The following HTR1F variants were observed in gnomAD, a reference collection of about 807,000 sequenced individuals.
HTR1F encodes 5-hydroxytryptamine receptor 1F.
HTR1F carries 17 observed loss-of-function variants against 24.0 expected under a neutral mutation model. The observed-to-expected ratio is 0.71, with a 90% CI of 0.48 to 1.06. HTR1F has a LOEUF of 1.06. Among genes scored for constraint, HTR1F ranks in the 50% least tolerant of loss-of-function variants. HTR1F has a pLI of 0.00. For missense variants in HTR1F, 391 were observed against 427.8 expected, an observed-to-expected ratio of 0.91 and a Z score of 0.76; for synonymous variants, 186 against 156.8, an observed-to-expected ratio of 1.19 and a Z score of -1.39.
intron 2 of HTR1F, among the ~76,000 whole-genome samples, chr3:87,907,319 T>C (rs971838144): frequency 8.6e-5 from 13 of 152,012 alleles, no homozygotes; most frequent in African/African-American, 2.9e-4. Flanking sequence ...TGGCCATTTG[T>C]ATATCTTCTT....
intron 2 of HTR1F, among the ~76,000 whole-genome samples, chr3:87,926,263 C>A (rs1054366509): frequency 3.9e-5 from 6 of 152,150 alleles, no homozygotes; most frequent in Non-Finnish European, 7.3e-5. Context: ...TGTTGACTCT[C>A]AAGTTTAATA....
chr3:87,802,648 T>C (rs546795107), intron 1 of HTR1F, among the ~76,000 whole-genome samples: 9 of 152,222 alleles, frequency 5.9e-5, no homozygotes, highest in African/African-American at 1.9e-4. Flanking sequence ...CGCTCCTGGC[T>C]TGATTTTGTT....
At chr3:87,979,343 A>G (rs943283614) in intron 2 of HTR1F, among the ~76,000 whole-genome samples, 3 of 152,040 alleles carry the variant, frequency 2.0e-5, no homozygotes, top group African/African-American at 7.2e-5. Context: ...CACATTCCCA[A>G]CACCAGAGGG....
At chr3:87,921,557 C>A (rs1704012348) in intron 2 of HTR1F, among the ~76,000 whole-genome samples, 1 of 151,892 alleles carries the variant, frequency 6.6e-6, no homozygotes, top group African/African-American at 2.4e-5. Flanking sequence ...TAACCTCAAA[C>A]CATTATCATT....
chr3:87,935,782 G>GA (rs1444960357), intron 2 of HTR1F, among the ~76,000 whole-genome samples: 2 of 151,942 alleles, frequency 1.3e-5, no homozygotes, highest in Non-Finnish European at 2.9e-5. Flanking sequence ...GGCTGCAAGT[G>GA]AAATGCTTTG....
intron 2 of HTR1F, among the ~76,000 whole-genome samples, chr3:87,882,077 G>A (rs1705816723): frequency 2.0e-5 from 3 of 152,302 alleles, no homozygotes; most frequent in African/African-American, 4.8e-5. Flanking sequence ...CTCAAAAGAG[G>A]ACATTTATGC....
At chr3:87,862,570 T>C (rs1383186332) in intron 2 of HTR1F, among the ~76,000 whole-genome samples, 3 of 152,186 alleles carry the variant, frequency 2.0e-5, no homozygotes. Context: ...TCAAGACCAA[T>C]GCATGGATCT....
rs1269075950 is a variant in HTR1F, at chr3:87,867,906, A to C, written c.-43+45782A>C. 2.0e-5 allele frequency among the ~76,000 whole-genome samples: 3 copies of C among 152,214 alleles called. No individual in the cohort carries two copies. In the East Asian group the frequency reaches 5.8e-4, roughly 29 times the overall value. ...CTTGTTGTCTAAATCATTAATTATA[A>C]GTTTATATTTAAATGGTGATTCTGC... On this transcript the variant is annotated intron_variant, in intron 2 of 2. Transcript: ENST00000319595.
At chr3:87,866,327 T>A (rs1208814424) in intron 2 of HTR1F, among the ~76,000 whole-genome samples, 3 of 152,164 alleles carry the variant, frequency 2.0e-5, no homozygotes, top group Non-Finnish European at 4.4e-5. Context: ...GAGCTGCTAG[T>A]CAGAGCATGA....
chr3:87,990,557 G>A (rs1705797801), intron 2 of HTR1F, 151 bp from the exon 3 acceptor site: 5 of 489,824 alleles, frequency 1.0e-5, no homozygotes, highest in Non-Finnish European at 1.8e-5. Flanking sequence ...AAATAAAAAG[G>A]AAAACTAAAA....
At chr3:87,942,984 A>C (rs1704606791) in intron 2 of HTR1F, among the ~76,000 whole-genome samples, 1 of 152,210 alleles carries the variant, frequency 6.6e-6, no homozygotes, top group Non-Finnish European at 1.5e-5. Context: ...TCTCTCCAGA[A>C]AGGCAGTAGG....
intron 2 of HTR1F, among the ~76,000 whole-genome samples, chr3:87,930,846 T>C (rs1418139905): frequency 7.9e-5 from 12 of 152,098 alleles, no homozygotes; most frequent in Non-Finnish European, 1.3e-4. Flanking sequence ...TACATATACA[T>C]TTATTTACAT....
intron 2 of HTR1F, among the ~76,000 whole-genome samples, chr3:87,901,806 T>G (rs1190886607): frequency 6.6e-6 from 1 of 152,110 alleles, no homozygotes; most frequent in Non-Finnish European, 1.5e-5. Context: ...CAGTCAGGAA[T>G]GGCTTTTCTA....
At chr3:87,869,015 G>T (rs1246032014) in intron 2 of HTR1F, among the ~76,000 whole-genome samples, 1 of 151,872 alleles carries the variant, frequency 6.6e-6, no homozygotes, top group Non-Finnish European at 1.5e-5. Context: ...TTTTTCAAAT[G>T]TTGCTATTAT....
intron 2 of HTR1F, among the ~76,000 whole-genome samples, chr3:87,962,062 T>A (rs1576093686): frequency 6.6e-6 from 1 of 152,074 alleles, no homozygotes; most frequent in East Asian, 1.9e-4. Context: ...CTACATTGCA[T>A]CAAAAATGAC....
At chr3:87,896,788 T>C (rs567548610) in intron 2 of HTR1F, among the ~76,000 whole-genome samples, 1 of 152,224 alleles carries the variant, frequency 6.6e-6, no homozygotes, top group East Asian at 1.9e-4. Context: ...TCTCCAAAGA[T>C]GGGAAAATGG....
At chr3:87,930,080 C>G (rs1704224870) in intron 2 of HTR1F, among the ~76,000 whole-genome samples, 1 of 152,088 alleles carries the variant, frequency 6.6e-6, no homozygotes, top group Non-Finnish European at 1.5e-5. Flanking sequence ...ATTTGGCTCT[C>G]AGCTTGGCTG....
intron 2 of HTR1F, among the ~76,000 whole-genome samples, chr3:87,874,138 C>T (rs1205540659): frequency 2.0e-5 from 3 of 151,126 alleles, no homozygotes; most frequent in Admixed American, 1.3e-4. Flanking sequence ...AGCAATTAGG[C>T]AAGAAAAAGA....
intron 1 of HTR1F, among the ~76,000 whole-genome samples, chr3:87,818,630 C>T (rs1704294621): frequency 6.6e-6 from 1 of 152,182 alleles, no homozygotes; most frequent in Non-Finnish European, 1.5e-5. Flanking sequence ...GACCCCTGTC[C>T]TCTGTTTCCT....
Sources: gnomAD v4.1 joint callset for allele counts (sites outside exome capture counted in the v4.1 genomes callset) on GRCh38, gnomAD v4.1.1 for gene constraint, MANE v1.5 for transcripts, NCBI Gene and HGNC (gene_info 2026-07-23, HGNC 2026-07-21) for gene names.